The following WFDC1 variants were observed in gnomAD, a reference collection of about 807,000 sequenced individuals.
WFDC1 encodes the protein WAP four-disulfide core domain protein 1.
A neutral mutation model predicts 32.9 loss-of-function variants in WFDC1; 39 were observed. The ratio of observed to expected loss-of-function variants is 1.19; its 90% CI spans 0.92 to 1.55. The LOEUF (loss-of-function observed/expected upper bound fraction) is 1.55. Ranked by LOEUF, WFDC1 falls within the 40% of genes most tolerant of loss-of-function variation. The pLI, the probability that WFDC1 is intolerant of heterozygous loss-of-function variation, is 0.00. For synonymous variants in WFDC1, 184 were observed against 137.4 expected (o/e 1.34, Z -2.37); for missense variants, 386 against 309.5 (o/e 1.25, Z -1.85).
At chr16:84,321,117 G>C (rs543603082) in intron 4 of WFDC1, among the ~76,000 whole-genome samples, 8 of 152,320 alleles carry the variant, frequency 5.3e-5, no homozygotes, top group South Asian at 2.1e-4. Context: ...CAGCCAGATA[G>C]CCTGGGCTGC....
At chr16:84,298,169 G>T (rs1175605450) in intron 1 of WFDC1, among the ~76,000 whole-genome samples, 1 of 151,924 alleles carries the variant, frequency 6.6e-6, no homozygotes, top group Admixed American at 6.6e-5. Context: ...GTCCCGTGGT[G>T]TGATCTTGGT....
At chr16:84,316,591 A>C in intron 2 of WFDC1, 1 of 151,506 alleles carries the variant, frequency 6.6e-6, no homozygotes, top group East Asian at 2.0e-4. Flanking sequence ...GAGACCGCCT[A>C]TCTCTGTAGA....
chr16:84,319,222 G>C lies in WFDC1; in HGVS notation c.422-209G>C, dbSNP rs537650125. On this transcript the variant is annotated intron_variant, in intron 3 of 6. Coordinates refer to ENST00000219454, the MANE Select transcript of WFDC1 (RefSeq NM_021197.4). ...AGGTGAGCTTGGACTGCCTGTGTTT[G>C]TGTGCGTGTTTGTGGGTGTGCACGT... 1.1e-4 allele frequency: 65 copies of C among 591,664 alleles called. 1 individual carries two copies. In the South Asian group the frequency reaches 1.4e-3, roughly 13 times the overall value. The allele number at this position is 591,664 out of a possible 1,614,324, so 36.7% of individuals were successfully genotyped here.
chr16:84,319,572 G>A lies in WFDC1; in HGVS notation c.562+1G>A, dbSNP rs763592849. The A allele has an allele frequency of 8.1e-6, 13 of 1,611,744 alleles. No homozygotes were observed. In the Admixed American group the frequency reaches 1.7e-4, roughly 21 times the overall value. ...TGCGTCAAGCAGCGCCGGCAAGCAG[G>A]TGAGTGTGGCACCCCAGCCCTGATC... On this transcript the variant is annotated splice_donor_variant, in intron 4 of 6. Coordinates refer to ENST00000219454, the MANE Select transcript of WFDC1 (RefSeq NM_021197.4). LOFTEE classifies it high-confidence loss of function.
intron 6 of WFDC1, chr16:84,327,877 C>A (rs1908693414): frequency 6.6e-6 from 1 of 152,246 alleles, no homozygotes; most frequent in South Asian, 2.1e-4. Flanking sequence ...GTATAGTGAA[C>A]AAATCCCACA....
intron 1 of WFDC1, among the ~76,000 whole-genome samples, chr16:84,311,822 G>A (rs1907646111): frequency 6.7e-6 from 1 of 149,854 alleles, no homozygotes; most frequent in African/African-American, 2.5e-5. Context: ...ATACGCTTGT[G>A]TGCCACAGCA....
At chr16:84,303,976 C>G (rs919062057) in intron 1 of WFDC1, among the ~76,000 whole-genome samples, 2 of 152,224 alleles carry the variant, frequency 1.3e-5, no homozygotes, top group East Asian at 3.8e-4. Flanking sequence ...TGCATTTTCA[C>G]TTAATAATCT....
intron 6 of WFDC1, 43 bp downstream of exon 6, chr16:84,326,998 G>A: frequency 1.2e-6 from 2 of 1,601,268 alleles, no homozygotes; most frequent in Non-Finnish European, 1.7e-6. Flanking sequence ...GGTAAATGTG[G>A]GCAGCCAGTG....
chr16:84,321,472 G>A (rs374464762), intron 4 of WFDC1, among the ~76,000 whole-genome samples: 8 of 152,294 alleles, frequency 5.3e-5, no homozygotes, highest in South Asian at 2.1e-4. Context: ...TTGTGAGTTC[G>A]TTGGGCTATG....
chr16:84,325,243 C>T (rs539810960), intron 5 of WFDC1, among the ~76,000 whole-genome samples: 1 of 151,148 alleles, frequency 6.6e-6, no homozygotes, highest in South Asian at 2.1e-4. Context: ...CACTCTGTTG[C>T]CTAGGCTGGG....
intron 1 of WFDC1, among the ~76,000 whole-genome samples, chr16:84,305,375 T>C (rs1907189913): frequency 6.6e-6 from 1 of 152,242 alleles, no homozygotes; most frequent in Admixed American, 6.5e-5. Context: ...CTCTTGCACA[T>C]GCTGGGTGGC....
intron 1 of WFDC1, among the ~76,000 whole-genome samples, chr16:84,299,678 G>A (rs932616784): frequency 2.6e-5 from 4 of 152,222 alleles, no homozygotes; most frequent in Admixed American, 2.0e-4. Flanking sequence ...GGGCCTCGGT[G>A]CTATGCAGCC....
chr16:84,304,387 C>T (rs1328223203), intron 1 of WFDC1, among the ~76,000 whole-genome samples: 1 of 152,172 alleles, frequency 6.6e-6, no homozygotes, highest in Non-Finnish European at 1.5e-5. Flanking sequence ...CGCCACCACG[C>T]CTGGCTAGTT....
intron 5 of WFDC1, among the ~76,000 whole-genome samples, chr16:84,324,828 C>G (rs568322144): frequency 3.8e-4 from 58 of 152,148 alleles, no homozygotes; most frequent in Non-Finnish European, 7.4e-4. Flanking sequence ...ATTCATCCCT[C>G]CATCCATCTA....
At chr16:84,302,223 C>A (rs1262336822) in intron 1 of WFDC1, among the ~76,000 whole-genome samples, 2 of 151,958 alleles carry the variant, frequency 1.3e-5, no homozygotes, top group Non-Finnish European at 2.9e-5. Flanking sequence ...GAATAGGGGG[C>A]AGCTGTCTGA....
chr16:84,327,018 C>G, intron 6 of WFDC1, 63 bp downstream of exon 6: 1 of 1,537,744 alleles, frequency 6.5e-7, no homozygotes, highest in Non-Finnish European at 9.0e-7. Flanking sequence ...GTCCTGGCAG[C>G]TTTCACCACC....
At chr16:84,299,253 A>C (rs1354669237) in intron 1 of WFDC1, among the ~76,000 whole-genome samples, 4 of 152,066 alleles carry the variant, frequency 2.6e-5, no homozygotes, top group African/African-American at 9.7e-5. Context: ...AATCCCAGCT[A>C]CTCGGGAGGC....
rs80008945 is a variant in WFDC1, at chr16:84,324,164, A to C, written c.563-255A>C. Among the ~76,000 whole-genome samples, 3,444 of 152,178 alleles carry C rather than the reference A, an allele frequency of 0.023. 130 individuals carry two copies. The highest frequency in any genetic ancestry group is 0.078 in the African/African-American group (3,250 of 41,536). ...AGTGGTTCTGAAACTTTTTGCTCTC[A>C]AGACCGCTGTACCCTGAAAGATGTT... On this transcript the variant is annotated intron_variant, in intron 4 of 6. Transcript: ENST00000219454.
intron 2 of WFDC1, chr16:84,317,926 A>T (rs1315701249): frequency 8.2e-6 from 2 of 244,878 alleles, no homozygotes; most frequent in Non-Finnish European, 8.4e-6. Context: ...CCTTGTCCAC[A>T]TGGTCAGAAT....
Sources: gnomAD v4.1 joint callset for allele counts (sites outside exome capture counted in the v4.1 genomes callset) on GRCh38, gnomAD v4.1.1 for gene constraint, MANE v1.5 for transcripts, NCBI Gene and HGNC (gene_info 2026-07-23, HGNC 2026-07-21) for gene names.